Variants in DOCK8 observed in about 807,000 individuals in gnomAD.
DOCK8 encodes the protein dedicator of cytokinesis 8.
In DOCK8, 141 loss-of-function variants were observed where a neutral mutation model predicts 245.6. That is an observed-to-expected ratio of 0.57 (90% CI 0.50 to 0.66). The LOEUF (loss-of-function observed/expected upper bound fraction) is 0.66. Ranked by LOEUF, DOCK8 falls within the 30% of genes least tolerant of loss-of-function variation. The probability of loss-of-function intolerance (pLI) is 0.00; values close to 1 mark genes in which losing one functional copy is unlikely to be tolerated. For missense variants in DOCK8, 2,965 were observed against 2,603.4 expected (o/e 1.14, Z -3.02); for synonymous variants, 1,168 against 970.2 (o/e 1.20, Z -3.79).
At chr9:435,123 G>T in intron 39 of DOCK8, 148 bp downstream of exon 39, 1 of 900,720 alleles carries the variant, frequency 1.1e-6, no homozygotes, top group Admixed American at 2.0e-5. Flanking sequence ...GCATCTGACT[G>T]GTAGAAGCCA....
chr9:354,053 C>T (rs1176892374), intron 14 of DOCK8, among the ~76,000 whole-genome samples: 2 of 152,098 alleles, frequency 1.3e-5, no homozygotes, highest in African/African-American at 2.4e-5. Flanking sequence ...TTTTTGTGGC[C>T]GGGCACGGTG....
At chr9:416,775 T>G (rs905718783) in intron 29 of DOCK8, among the ~76,000 whole-genome samples, 1 of 152,216 alleles carries the variant, frequency 6.6e-6, no homozygotes, top group Non-Finnish European at 1.5e-5. Flanking sequence ...CCTTTTAGGT[T>G]TACGATAAAG....
intron 27 of DOCK8, 146 bp downstream of exon 27, chr9:405,219 G>A (rs958928820): frequency 6.3e-6 from 5 of 797,904 alleles, no homozygotes; most frequent in Middle Eastern, 3.5e-4. Context: ...ATGCTACCCT[G>A]AAGTTACACC....
At chr9:335,768 G>T (rs1057353615) in intron 11 of DOCK8, among the ~76,000 whole-genome samples, 1 of 152,120 alleles carries the variant, frequency 6.6e-6, no homozygotes, top group Non-Finnish European at 1.5e-5. Context: ...AAGATGCAAA[G>T]ATGTCATGTA....
intron 1 of DOCK8, among the ~76,000 whole-genome samples, chr9:269,869 T>G (rs1049611069): frequency 5.3e-5 from 8 of 152,184 alleles, no homozygotes; most frequent in African/African-American, 1.9e-4. Flanking sequence ...GAAGTATGTT[T>G]TCATTTCTCC....
In DOCK8 at chr9:373,780, A is replaced by G. The variant is rs117199065; in HGVS notation, c.2109+1494A>G. Among the ~76,000 whole-genome samples, 486 of 152,262 alleles carry G rather than the reference A, an allele frequency of 3.2e-3. 3 individuals are homozygous for G. Among genetic ancestry groups the G allele is most frequent in the Middle Eastern group, 0.024 (7 of 294 alleles). On this transcript the variant is annotated intron_variant, in intron 18 of 47. Transcript: ENST00000432829. ...TGGTAAACCAAAACTTCTCTCATCA[A>G]AGCCATCTAAGGGGCAATCCGAGTA... is the stretch of plus-strand genomic sequence containing the variant.
rs1386347360 is a variant in DOCK8, at chr9:376,311, G to C, written c.2205+6G>C. ...TTTCTTCTGTACACACCCAGGTAAG[G>C]AATGTCAAGGTTAATCATGAAGGTA... On this transcript the variant is annotated splice_donor_region_variant and intron_variant, in intron 19 of 47. Transcript: ENST00000432829. The C allele has an allele frequency of 5.7e-6, 9 of 1,588,422 alleles. No homozygotes were observed. The Admixed American group carries it at 1.3e-4, about 24-fold the overall frequency.
intron 1 of DOCK8, among the ~76,000 whole-genome samples, chr9:228,224 G>A (rs2047030390): frequency 6.6e-6 from 1 of 152,136 alleles, no homozygotes; most frequent in Non-Finnish European, 1.5e-5. Context: ...CAAAGGATGT[G>A]CTGATCTTAC....
At chr9:425,299 G>A (rs1340752241) in intron 33 of DOCK8, among the ~76,000 whole-genome samples, 5 of 152,086 alleles carry the variant, frequency 3.3e-5, no homozygotes, top group Admixed American at 1.3e-4. Context: ...TTGGGAGGCC[G>A]AGGTAAGTGG....
At chr9:419,864 A>G (rs1021978178) in intron 30 of DOCK8, among the ~76,000 whole-genome samples, 1 of 152,200 alleles carries the variant, frequency 6.6e-6, no homozygotes, top group East Asian at 1.9e-4. Context: ...AACTCCACAA[A>G]CATGGATTTG....
intron 4 of DOCK8, among the ~76,000 whole-genome samples, chr9:290,282 C>A (rs866492206): frequency 1.3e-5 from 2 of 150,084 alleles, no homozygotes; most frequent in African/African-American, 4.9e-5. Flanking sequence ...TTTTTTTTTG[C>A]GATTTTTTTA....
chr9:360,950 A>T (rs2052698224), intron 14 of DOCK8, among the ~76,000 whole-genome samples: 1 of 152,184 alleles, frequency 6.6e-6, no homozygotes, highest in South Asian at 2.1e-4. Flanking sequence ...ACTTGAGCCC[A>T]GGAGTTCGAG....
intron 30 of DOCK8, among the ~76,000 whole-genome samples, chr9:418,528 A>G (rs2056133812): frequency 6.6e-6 from 1 of 152,074 alleles, no homozygotes; most frequent in Non-Finnish European, 1.5e-5. Context: ...TCAGCCTCCC[A>G]AAGTGCTGGG....
intron 14 of DOCK8, among the ~76,000 whole-genome samples, chr9:346,793 G>A (rs1228036551): frequency 3.3e-5 from 5 of 151,140 alleles, no homozygotes; most frequent in South Asian, 2.1e-4. Flanking sequence ...AAGGAATGGC[G>A]TAGCATGCAT....
rs149363675 is a variant in DOCK8, at chr9:429,447, G to T, written c.4474-255G>T. ...CCATCATAGTTGTGATTTCACCAGT[G>T]AATGCGACCTGGCTCACAGTGCAGT... is the stretch of plus-strand genomic sequence containing the variant. On this transcript the variant is annotated intron_variant, in intron 35 of 47. Coordinates refer to ENST00000432829, the MANE Select transcript of DOCK8 (RefSeq NM_203447.4). Among the ~76,000 whole-genome samples, 1,066 of 152,300 alleles carry T rather than the reference G, an allele frequency of 7.0e-3. 9 individuals are homozygous for T. The highest frequency in any genetic ancestry group is 0.012 in the Non-Finnish European group (838 of 68,024).
intron 1 of DOCK8, among the ~76,000 whole-genome samples, chr9:223,963 C>G (rs1437169098): frequency 1.3e-5 from 2 of 152,042 alleles, no homozygotes; most frequent in Non-Finnish European, 2.9e-5. Context: ...CATTAGCACT[C>G]AAGCAAGCCT....
intron 1 of DOCK8, among the ~76,000 whole-genome samples, chr9:233,385 T>A (rs1587629841): frequency 6.6e-6 from 1 of 152,194 alleles, no homozygotes; most frequent in Non-Finnish European, 1.5e-5. Flanking sequence ...TGATTTGGGG[T>A]GGAGAGTTCT....
At chr9:288,291 G>T (rs1373095194) in intron 3 of DOCK8, among the ~76,000 whole-genome samples, 1 of 152,232 alleles carries the variant, frequency 6.6e-6, no homozygotes, top group African/African-American at 2.4e-5. Flanking sequence ...AACAACCTGT[G>T]CCTAGCCCAG....
intron 1 of DOCK8, among the ~76,000 whole-genome samples, chr9:251,296 A>G (rs1042828689): frequency 6.6e-6 from 1 of 152,250 alleles, no homozygotes; most frequent in African/African-American, 2.4e-5. Flanking sequence ...TTGATGAAAA[A>G]AATCAATGTT....
Sources: gnomAD v4.1 joint callset for allele counts (sites outside exome capture counted in the v4.1 genomes callset) on GRCh38, gnomAD v4.1.1 for gene constraint, MANE v1.5 for transcripts, NCBI Gene and HGNC (gene_info 2026-07-23, HGNC 2026-07-21) for gene names.